NPSR1: variants seen among roughly 807,000 people sequenced by gnomAD.
NPSR1 encodes neuropeptide S receptor.
In NPSR1, 48 loss-of-function variants were observed where a neutral mutation model predicts 46.9. The ratio of observed to expected loss-of-function variants is 1.02; its 90% confidence interval spans 0.81 to 1.30. The LOEUF (loss-of-function observed/expected upper bound fraction) is 1.30, where lower values mean the gene tolerates loss of function less well. Ranked by LOEUF, NPSR1 falls within the 50% of genes most tolerant of loss-of-function variation. The pLI is 0.00. For missense variants in NPSR1, 450 were observed against 449.5 expected (o/e 1.00, Z -0.01); for synonymous variants, 176 against 168.1 (o/e 1.05, Z -0.36).
At chr7:34,770,149 C>A (rs1372816944) in intron 2 of NPSR1, among the ~76,000 whole-genome samples, 1 of 152,114 alleles carries the variant, frequency 6.6e-6, no homozygotes, top group Non-Finnish European at 1.5e-5. Context: ...CCACTTAGGT[C>A]TAGAGAAACA....
intron 2 of NPSR1, among the ~76,000 whole-genome samples, chr7:34,689,615 A>AG (rs1793127413): frequency 3.5e-5 from 5 of 142,740 alleles, no homozygotes; most frequent in Non-Finnish European, 7.5e-5. Flanking sequence ...AAAAAAAAAA[A>AG]AAAAAAAAAA....
chr7:34,786,857 T>C (rs975571014), intron 3 of NPSR1, among the ~76,000 whole-genome samples: 1 of 152,130 alleles, frequency 6.6e-6, no homozygotes, highest in Non-Finnish European at 1.5e-5. Flanking sequence ...AACCATGCTG[T>C]GAACAGATGT....
At chr7:34,728,799 C>G (rs370771334) in intron 2 of NPSR1, 3 of 152,608 alleles carry the variant, frequency 2.0e-5, no homozygotes, top group African/African-American at 7.2e-5. Context: ...TGTCTCCCTG[C>G]GTTTCTTCTC....
chr7:34,735,860 A>G (rs918352148), intron 2 of NPSR1, among the ~76,000 whole-genome samples: 2 of 152,194 alleles, frequency 1.3e-5, no homozygotes, highest in African/African-American at 4.8e-5. Context: ...CACACAAATA[A>G]TATTATGTTC....
chr7:34,756,997 T>C (rs1785897139), intron 2 of NPSR1, among the ~76,000 whole-genome samples: 1 of 152,196 alleles, frequency 6.6e-6, no homozygotes, highest in Non-Finnish European at 1.5e-5. Flanking sequence ...TAAGAAATTA[T>C]GTCTATAATT....
chr7:34,723,566 G>A (rs982470254), intron 2 of NPSR1, among the ~76,000 whole-genome samples: 1 of 150,836 alleles, frequency 6.6e-6, no homozygotes, highest in Non-Finnish European at 1.5e-5. Context: ...AAGATGAATT[G>A]TAATTATCTA....
chr7:34,813,073 C>T (rs887560270), intron 4 of NPSR1, among the ~76,000 whole-genome samples: 2 of 152,100 alleles, frequency 1.3e-5, no homozygotes, highest in African/African-American at 4.8e-5. Context: ...GATATGACTT[C>T]TTGGTATCTG....
chr7:34,827,120 C>T (rs960779932), intron 4 of NPSR1, among the ~76,000 whole-genome samples: 9 of 152,182 alleles, frequency 5.9e-5, no homozygotes, highest in Admixed American at 2.0e-4. Context: ...GGAATGGATG[C>T]GTCAGCATCT....
At chr7:34,741,319 G>T (rs1202013038) in intron 2 of NPSR1, among the ~76,000 whole-genome samples, 1 of 152,104 alleles carries the variant, frequency 6.6e-6, no homozygotes, top group Non-Finnish European at 1.5e-5. Context: ...AAAGCTCAGG[G>T]TCTTCTCATG....
At chr7:34,727,374 T>G (rs943329579) in intron 2 of NPSR1, among the ~76,000 whole-genome samples, 5 of 152,104 alleles carry the variant, frequency 3.3e-5, no homozygotes, top group African/African-American at 1.2e-4. Flanking sequence ...AGCAATAAAT[T>G]CAAAGGAAAT....
chr7:34,712,831 G>A (rs1424323295), intron 2 of NPSR1, among the ~76,000 whole-genome samples: 1 of 152,178 alleles, frequency 6.6e-6, no homozygotes, highest in Non-Finnish European at 1.5e-5. Flanking sequence ...CCTTTCTTCT[G>A]TAATTATTTT....
At chr7:34,709,670 C>A (rs1049426981) in intron 2 of NPSR1, among the ~76,000 whole-genome samples, 3 of 152,082 alleles carry the variant, frequency 2.0e-5, no homozygotes, top group African/African-American at 7.2e-5. Context: ...TTGAATTTAC[C>A]ACTGATTGTT....
At chr7:34,745,073 T>C (rs554734676) in intron 2 of NPSR1, among the ~76,000 whole-genome samples, 75 of 152,332 alleles carry the variant, frequency 4.9e-4, no homozygotes, top group African/African-American at 1.7e-3. Flanking sequence ...TTGGTATCCA[T>C]GGAAGGCTAT....
chr7:34,730,687 C>T (rs765260078), intron 2 of NPSR1, among the ~76,000 whole-genome samples: 3 of 152,174 alleles, frequency 2.0e-5, no homozygotes, highest in African/African-American at 2.4e-5. Context: ...GTGCATGACA[C>T]ACCCCACCTA....
At chr7:34,712,344 T>C (rs1783341607) in intron 2 of NPSR1, among the ~76,000 whole-genome samples, 1 of 152,234 alleles carries the variant, frequency 6.6e-6, no homozygotes, top group Non-Finnish European at 1.5e-5. Flanking sequence ...CATGTTTTCT[T>C]TGTTGTTGTG....
At chr7:34,784,825 A>C (rs1217318059) in intron 3 of NPSR1, among the ~76,000 whole-genome samples, 1 of 152,206 alleles carries the variant, frequency 6.6e-6, no homozygotes, top group African/African-American at 2.4e-5. Flanking sequence ...TCAAAACCAC[A>C]ATGAGATACC....
At chr7:34,853,459 T>C (rs1790983386), downstream of NPSR1, among the ~76,000 whole-genome samples, 1 of 152,220 alleles carries the variant, frequency 6.6e-6, no homozygotes, top group African/African-American at 2.4e-5. Flanking sequence ...TCTGTGTTTT[T>C]GGAAACATGA....
intron 2 of NPSR1, among the ~76,000 whole-genome samples, chr7:34,690,528 A>G (rs1793195898): frequency 6.6e-6 from 1 of 152,198 alleles, no homozygotes; most frequent in African/African-American, 2.4e-5. Context: ...AAGAAGAGAT[A>G]GATACCACTA....
intron 2 of NPSR1, among the ~76,000 whole-genome samples, chr7:34,774,443 G>A (rs925248623): frequency 6.6e-6 from 1 of 152,176 alleles, no homozygotes; most frequent in African/African-American, 2.4e-5. Context: ...AGAAGGCTGT[G>A]GGACACGTCT....
Sources: gnomAD v4.1 joint callset for allele counts (sites outside exome capture counted in the v4.1 genomes callset) on GRCh38, gnomAD v4.1.1 for gene constraint, MANE v1.5 for transcripts, NCBI Gene and HGNC (gene_info 2026-07-23, HGNC 2026-07-21) for gene names.